The following BCL2L11 variants were observed in gnomAD, a reference collection of about 807,000 sequenced individuals.
BCL2L11 encodes the protein BCL2 like 11, also known as bcl-2-like protein 11.
Under a neutral mutation model 20.6 loss-of-function variants are expected in BCL2L11, and 15 were observed. That is an observed-to-expected ratio of 0.73 (90% CI 0.49 to 1.12). The LOEUF (loss-of-function observed/expected upper bound fraction) is 1.12. BCL2L11 is among the 50% of genes most tolerant of loss of function. The pLI is 0.00. For synonymous variants in BCL2L11, 108 were observed against 92.8 expected (o/e 1.16, Z -0.94); for missense variants, 292 against 260.9 (o/e 1.12, Z -0.82).
chr2:111,127,033 T>G (rs930096254), intron 2 of BCL2L11, among the ~76,000 whole-genome samples: 1 of 152,180 alleles, frequency 6.6e-6, no homozygotes, highest in Admixed American at 6.5e-5. Context: ...TCTCTGATTT[T>G]TCTGAAGACA....
At chr2:111,153,425 C>T (rs2077475037) in intron 3 of BCL2L11, among the ~76,000 whole-genome samples, 1 of 152,020 alleles carries the variant, frequency 6.6e-6, no homozygotes, top group Non-Finnish European at 1.5e-5. Context: ...ATAGTGACAC[C>T]GTGATCTTCA....
intron 2 of BCL2L11, among the ~76,000 whole-genome samples, chr2:111,129,575 G>A (rs1482281869): frequency 6.6e-6 from 1 of 152,194 alleles, no homozygotes; most frequent in Non-Finnish European, 1.5e-5. Flanking sequence ...ACAACCAGCA[G>A]TTGACATTAA....
chr2:111,142,558 C>T (rs2075987235), intron 2 of BCL2L11, among the ~76,000 whole-genome samples: 1 of 152,180 alleles, frequency 6.6e-6, no homozygotes, highest in South Asian at 2.1e-4. Context: ...TAAGTTTTAA[C>T]CGTATACATT....
intron 2 of BCL2L11, among the ~76,000 whole-genome samples, chr2:111,134,674 G>A (rs2074539018): frequency 6.6e-6 from 1 of 152,080 alleles, no homozygotes; most frequent in Non-Finnish European, 1.5e-5. Context: ...TCTGTTTAGA[G>A]AACTTCCTTA....
chr2:111,135,712 C>T (rs765091000), intron 2 of BCL2L11, among the ~76,000 whole-genome samples: 22 of 152,126 alleles, frequency 1.4e-4, no homozygotes, highest in Non-Finnish European at 2.2e-4. Flanking sequence ...CTGGGAGAGC[C>T]GATGGGCCCA....
chr2:111,122,748 G>C, intron 1 of BCL2L11: 1 of 985,398 alleles, frequency 1.0e-6, no homozygotes, highest in Non-Finnish European at 1.2e-6. Context: ...CGGGCTGGCG[G>C]GAAGGCGCGG....
At position 111,128,561 on chromosome 2, in the gene BCL2L11, A is replaced by G. The variant is rs12623866; in HGVS notation, c.394+4422A>G. On this transcript the variant is annotated intron_variant, in intron 2 of 3. Transcript: ENST00000393256. ...GCTGTGCCATTTTACATTCCCACCA[A>G]CAGGGCACAAGGGTTCCAGTTTCTC... The G allele has an allele frequency of 7.0e-6, 10 of 1,433,420 alleles. No homozygotes were observed. In the South Asian group the frequency reaches 1.1e-4, roughly 15 times the overall value. The allele number at this position is 1,433,420 out of a possible 1,614,324, so 88.8% of individuals were successfully genotyped here.
At chr2:111,127,974 T>G (rs1022472848) in intron 2 of BCL2L11, among the ~76,000 whole-genome samples, 2 of 152,160 alleles carry the variant, frequency 1.3e-5, no homozygotes, top group Non-Finnish European at 2.9e-5. Context: ...ATTTACCATC[T>G]GAACCATTTA....
At chr2:111,163,370 CTG>C (rs2078800899) in intron 3 of BCL2L11, 1 of 152,270 alleles carries the variant, frequency 6.6e-6, no homozygotes, top group African/African-American at 2.4e-5. Context: ...CCTTTGGTGA[CTG>C]TGAATTTATA....
At position 111,149,895 on chromosome 2, in the gene BCL2L11, G is replaced by A. The variant is rs898677098; in HGVS notation, c.395-149G>A. 2.2e-5 allele frequency: 13 copies of A among 593,800 alleles called. No individual in the cohort carries two copies. In the Admixed American group the frequency reaches 3.7e-4, roughly 17 times the overall value. The allele number at this position is 593,800 out of a possible 1,614,324, so 36.8% of individuals were successfully genotyped here. The stretch of plus-strand genomic sequence containing the variant: ...GAAGACTCTGCCACTCTAATCTTTA[G>A]TACATGGCTGTAGTTGTTGAAGTCA... On this transcript the variant is annotated intron_variant, in intron 2 of 3. Transcript: ENST00000393256.
chr2:111,121,756 T>C (rs2150116048), intron 1 of BCL2L11, among the ~76,000 whole-genome samples: 1 of 152,320 alleles, frequency 6.6e-6, no homozygotes. Context: ...TGCGTTCGCT[T>C]TCTCAAGCGT....
rs1256098279 is a variant in BCL2L11 at position 111,166,403 on chromosome 2, GA to G, written c.*2175del. 2.0e-5 allele frequency: 3 copies of G among 152,700 alleles called. No individual in the cohort carries two copies. Among genetic ancestry groups the G allele is most frequent in the Admixed American group, 2.0e-4 (3 of 15,284 alleles). 9.5% of individuals were successfully genotyped at this position (152,700 alleles called of 1,614,324 possible). A position where few individuals can be genotyped will look rare whatever the true frequency, so the allele number is the denominator to read the frequency against. ...GCTGGCTGTGGAAACAGTTCCTGAG[GA>G]AATTAGAGATTCTATGAATTGTAGG... On this transcript the variant is annotated 3_prime_UTR_variant, in exon 4 of 4. Transcript: ENST00000393256.
rs918545114 is a variant in BCL2L11, at chr2:111,124,009, G to T, written c.264G>T (p.Leu88=). 6.2e-7 allele frequency: 1 copy of T among 1,614,210 alleles called. No individual in the cohort carries two copies. ...TCATCTTTATGAGAAGATCCTCCCTGCTGTCTCGATCCTCCAGTGGGTATT... is the reference window on the plus strand; with the variant it reads ...TCATCTTTATGAGAAGATCCTCCCTTCTGTCTCGATCCTCCAGTGGGTATT... ...PLFIFMRRSS[L]LSRSSSGYFS... Residue 88 remains leucine (L), a synonymous_variant, in exon 2 of 4, where the codon CTG becomes CTT. Coordinates refer to ENST00000393256, the MANE Select transcript of BCL2L11 (RefSeq NM_138621.5).
chr2:111,131,034 C>T (rs2073844944), intron 2 of BCL2L11, among the ~76,000 whole-genome samples: 1 of 152,064 alleles, frequency 6.6e-6, no homozygotes, highest in Non-Finnish European at 1.5e-5. Context: ...GTATTTGCGC[C>T]TAAGTTCTTG....
At chr2:111,145,232 C>T (rs577587867) in intron 2 of BCL2L11, among the ~76,000 whole-genome samples, 3 of 152,188 alleles carry the variant, frequency 2.0e-5, no homozygotes, top group African/African-American at 7.2e-5. Flanking sequence ...CGCACCACCT[C>T]GTTCCCAGAC....
chr2:111,139,079 C>T (rs2075385427), intron 2 of BCL2L11, among the ~76,000 whole-genome samples: 1 of 152,040 alleles, frequency 6.6e-6, no homozygotes, highest in African/African-American at 2.4e-5. Flanking sequence ...TCTGGAAATG[C>T]TACTATAATT....
At chr2:111,155,076 A>G (rs2077666627) in intron 3 of BCL2L11, among the ~76,000 whole-genome samples, 1 of 151,984 alleles carries the variant, frequency 6.6e-6, no homozygotes, top group African/African-American at 2.4e-5. Context: ...CTCTTAAAAG[A>G]CTCCAAGCTT....
chr2:111,121,947 C>A (rs2071071110), intron 1 of BCL2L11, among the ~76,000 whole-genome samples: 1 of 152,338 alleles, frequency 6.6e-6, no homozygotes, highest in East Asian at 1.9e-4. Context: ...CATGCCCGAG[C>A]ACACCCGACC....
intron 1 of BCL2L11, among the ~76,000 whole-genome samples, chr2:111,122,349 G>C (rs1161044988): frequency 1.3e-5 from 2 of 152,186 alleles, no homozygotes; most frequent in African/African-American, 4.8e-5. Flanking sequence ...GCTTGTGTCC[G>C]GAAGGAGCAC....
Sources: allele counts gnomAD v4.1 joint callset (sites outside exome capture counted in the v4.1 genomes callset), GRCh38; gene constraint gnomAD v4.1.1; transcripts MANE v1.5; gene names NCBI Gene and HGNC (gene_info 2026-07-23, HGNC 2026-07-21).